The following GRM7 variants were observed in gnomAD, a reference collection of about 807,000 sequenced individuals.
The protein encoded by GRM7 is glutamate metabotropic receptor 7, also known as metabotropic glutamate receptor 7.
GRM7 carries 35 observed loss-of-function variants against 84.5 expected under a neutral mutation model. The ratio of observed to expected loss-of-function variants is 0.41; its 90% confidence interval spans 0.32 to 0.55. The LOEUF (loss-of-function observed/expected upper bound fraction) is 0.55. Ranked by LOEUF, GRM7 falls within the 20% of genes least tolerant of loss-of-function variation. The pLI is 0.19. For missense variants in GRM7, 1,003 were observed against 1,194.6 expected (o/e 0.84, Z 2.36); for synonymous variants, 487 against 455.1 (o/e 1.07, Z -0.89).
At chr3:7,062,584 G>A (rs1697466980) in intron 1 of GRM7, among the ~76,000 whole-genome samples, 1 of 151,688 alleles carries the variant, frequency 6.6e-6, no homozygotes, top group South Asian at 2.1e-4. Flanking sequence ...TTGAAAAACT[G>A]TGACTCACAA....
At chr3:7,167,736 G>A (rs71308546) in intron 2 of GRM7, among the ~76,000 whole-genome samples, 5 of 151,882 alleles carry the variant, frequency 3.3e-5, no homozygotes, top group African/African-American at 7.3e-5. Context: ...TTGGGAGGCC[G>A]AGGCGGGCGG....
chr3:7,533,109 T>C (rs1250248583), intron 7 of GRM7, among the ~76,000 whole-genome samples: 1 of 152,028 alleles, frequency 6.6e-6, no homozygotes, highest in East Asian at 1.9e-4. Flanking sequence ...TTAACAAGGA[T>C]ATTCCAGACT....
At chr3:7,121,245 T>C (rs1377171449) in intron 1 of GRM7, among the ~76,000 whole-genome samples, 1 of 152,142 alleles carries the variant, frequency 6.6e-6, no homozygotes, top group Non-Finnish European at 1.5e-5. Context: ...TAGTCCCATA[T>C]TCACTGATAG....
chr3:7,457,088 C>T (rs1408412541), intron 6 of GRM7, among the ~76,000 whole-genome samples: 4 of 152,118 alleles, frequency 2.6e-5, no homozygotes, highest in Non-Finnish European at 5.9e-5. Context: ...CTTTATATCG[C>T]ATGTTTTAGG....
intron 1 of GRM7, among the ~76,000 whole-genome samples, chr3:6,967,432 T>A (rs1325413415): frequency 1.3e-5 from 2 of 152,168 alleles, no homozygotes; most frequent in Non-Finnish European, 2.9e-5. Context: ...TGGGCTCAAA[T>A]GATCGGCTCA....
intron 4 of GRM7, among the ~76,000 whole-genome samples, chr3:7,410,881 G>C (rs1257138825): frequency 2.0e-5 from 3 of 152,034 alleles, no homozygotes; most frequent in Non-Finnish European, 4.4e-5. Flanking sequence ...CTACAAATTT[G>C]GTGCTTTAAA....
intron 9 of GRM7, among the ~76,000 whole-genome samples, chr3:7,686,880 T>G (rs1333581611): frequency 3.3e-5 from 5 of 152,216 alleles, no homozygotes; most frequent in Non-Finnish European, 7.3e-5. Context: ...TTGTTTGTTC[T>G]AATTTATTTT....
chr3:7,051,420 GA>G (rs1696994715), intron 1 of GRM7, among the ~76,000 whole-genome samples: 1 of 151,708 alleles, frequency 6.6e-6, no homozygotes, highest in African/African-American at 2.4e-5. Context: ...AAAAAGTTGT[GA>G]AACTGAATCC....
intron 1 of GRM7, chr3:6,893,920 C>T (rs929512861): frequency 6.6e-6 from 1 of 152,058 alleles, no homozygotes; most frequent in African/African-American, 2.4e-5. Flanking sequence ...AGATGCTCAC[C>T]TAATATCACT....
intron 4 of GRM7, among the ~76,000 whole-genome samples, chr3:7,320,171 T>A (rs1459012665): frequency 6.6e-6 from 1 of 152,052 alleles, no homozygotes; most frequent in African/African-American, 2.4e-5. Context: ...TGTGTTTGTG[T>A]GTATCTATGT....
chr3:7,647,316 T>C (rs1698693448), intron 8 of GRM7, among the ~76,000 whole-genome samples: 1 of 152,174 alleles, frequency 6.6e-6, no homozygotes, highest in South Asian at 2.1e-4. Flanking sequence ...TTCTTCCCAA[T>C]CCTGAGAAAG....
rs1413895734 is a variant in GRM7 at position 7,229,898 on chromosome 3, G to A, written c.737-68786G>A. On this transcript the variant is annotated intron_variant, in intron 2 of 9. Transcript: ENST00000357716. The stretch of plus-strand genomic sequence containing the variant: ...TCTGTTGCCCAGGATGGAGTGCAGC[G>A]GGGCGATCTCAGCTCACTGCAAGCT... Among the ~76,000 whole-genome samples the A allele has an allele frequency of 6.0e-5, 8 of 132,604 alleles. 1 individual carries two copies. Among genetic ancestry groups the A allele is most frequent in the Admixed American group, 3.9e-4 (5 of 12,748 alleles). 87.0% of individuals were successfully genotyped at this position (132,604 alleles called of 152,430 possible). A position where few individuals can be genotyped will look rare whatever the true frequency, so the allele number is the denominator to read the frequency against.
chr3:7,489,863 A>T (rs1699458258), intron 7 of GRM7, among the ~76,000 whole-genome samples: 1 of 151,898 alleles, frequency 6.6e-6, no homozygotes, highest in Non-Finnish European at 1.5e-5. Context: ...TATTATAAAT[A>T]ATAAATATAT....
intron 1 of GRM7, among the ~76,000 whole-genome samples, chr3:6,908,574 C>G (rs1559322222): frequency 6.6e-6 from 1 of 152,142 alleles, no homozygotes; most frequent in Non-Finnish European, 1.5e-5. Flanking sequence ...CTTGCCTTTT[C>G]ACAGGTGATT....
chr3:6,995,806 A>G (rs1694805064), intron 1 of GRM7, among the ~76,000 whole-genome samples: 2 of 152,220 alleles, frequency 1.3e-5, no homozygotes, highest in Non-Finnish European at 2.9e-5. Context: ...AAGAGAACAC[A>G]TATAAGCAAG....
At chr3:7,248,785 T>C (rs1295319786) in intron 2 of GRM7, among the ~76,000 whole-genome samples, 1 of 152,114 alleles carries the variant, frequency 6.6e-6, no homozygotes, top group Admixed American at 6.6e-5. Context: ...GCAAATCACC[T>C]ATATAAGAGA....
intron 8 of GRM7, among the ~76,000 whole-genome samples, chr3:7,620,975 GA>G (rs1320136573): frequency 6.6e-6 from 1 of 152,072 alleles, no homozygotes; most frequent in East Asian, 1.9e-4. Flanking sequence ...AGGAGGGGGT[GA>G]ATAATTAATT....
At chr3:7,454,153 A>G (rs928797218) in intron 6 of GRM7, among the ~76,000 whole-genome samples, 3 of 150,654 alleles carry the variant, frequency 2.0e-5, no homozygotes, top group African/African-American at 4.9e-5. Context: ...ACAATACTCA[A>G]GTTAATTGGG....
intron 4 of GRM7, among the ~76,000 whole-genome samples, chr3:7,340,001 T>G (rs1294950919): frequency 6.6e-6 from 1 of 152,146 alleles, no homozygotes; most frequent in Non-Finnish European, 1.5e-5. Flanking sequence ...TTCCTAAAAA[T>G]CATTTTAAAT....
Sources: allele counts gnomAD v4.1 joint callset (sites outside exome capture counted in the v4.1 genomes callset), GRCh38; gene constraint gnomAD v4.1.1; transcripts MANE v1.5; gene names NCBI Gene and HGNC (gene_info 2026-07-23, HGNC 2026-07-21).